Variants in SMC6 observed in about 807,000 individuals in gnomAD.
The protein encoded by SMC6 is structural maintenance of chromosomes protein 6.
SMC6 carries 79 observed loss-of-function variants against 142.2 expected under a neutral mutation model. The observed-to-expected ratio is 0.56, with a 90% CI of 0.46 to 0.67. SMC6 has a LOEUF of 0.67. Ranked by LOEUF, SMC6 falls within the 30% of genes least tolerant of loss-of-function variation. The probability of loss-of-function intolerance (pLI) is 0.00; values close to 1 mark genes in which losing one functional copy is unlikely to be tolerated. For missense variants in SMC6, 1,072 were observed against 1,284.0 expected, an observed-to-expected ratio of 0.83 and a Z score of 2.52; for synonymous variants, 411 against 412.4, an observed-to-expected ratio of 1.00 and a Z score of 0.04.
At chr2:17,747,568 C>A (rs1558384761) in intron 2 of SMC6, among the ~76,000 whole-genome samples, 2 of 147,044 alleles carry the variant, frequency 1.4e-5, no homozygotes, top group African/African-American at 5.1e-5. Flanking sequence ...TGCAGTGGCA[C>A]AATCTCAGCT....
intron 8 of SMC6, 91 bp downstream of exon 8, chr2:17,726,298 C>T: frequency 1.1e-6 from 1 of 907,462 alleles, no homozygotes; most frequent in Non-Finnish European, 1.6e-6. Context: ...AAAAAAAACT[C>T]AGCCTCCATT....
chr2:17,666,764 A>G (rs1032938593), intron 26 of SMC6, among the ~76,000 whole-genome samples: 3 of 151,936 alleles, frequency 2.0e-5, no homozygotes, highest in Admixed American at 6.6e-5. Context: ...CACAGGATCA[A>G]TTGAGGTCAG....
At chr2:17,732,976 A>G (rs1037137130) in intron 5 of SMC6, among the ~76,000 whole-genome samples, 1 of 152,196 alleles carries the variant, frequency 6.6e-6, no homozygotes, top group Admixed American at 6.5e-5. Context: ...TAGAAAAACA[A>G]AGATGCTGAT....
At chr2:17,666,398 C>T in intron 27 of SMC6, 22 bp downstream of exon 27, 1 of 1,558,188 alleles carries the variant, frequency 6.4e-7, no homozygotes, top group Non-Finnish European at 8.8e-7. Context: ...TGATATGTAT[C>T]TAGAAAGTTT....
At chr2:17,707,528 A>C in intron 17 of SMC6, 149 bp from the exon 18 acceptor site, 1 of 480,986 alleles carries the variant, frequency 2.1e-6, no homozygotes, top group Non-Finnish European at 3.3e-6. Flanking sequence ...AGTTAAATAT[A>C]AGAATTTTAA....
Position 17,716,066 on chromosome 2 carries a change from C to T in SMC6, c.1525+20G>A, listed in dbSNP as rs1200128812. ...TTATTTCTAAAGTTTATTATAACCT[C>T]GCTAAATTAAGACAAATACCTAAAG... On this transcript the variant is annotated intron_variant, in intron 15 of 27. Coordinates refer to ENST00000448223, the MANE Select transcript of SMC6 (RefSeq NM_001142286.2). The T allele has an allele frequency of 4.8e-6, 7 of 1,465,860 alleles. No homozygotes were observed. The highest frequency in any genetic ancestry group is 1.5e-5 in the South Asian group (1 of 65,470). 90.8% of individuals were successfully genotyped at this position (1,465,860 alleles called of 1,614,324 possible).
At chr2:17,715,815 T>C (rs4832498) in intron 15 of SMC6, among the ~76,000 whole-genome samples, 1,641 of 152,246 alleles carry the variant, frequency 0.011, 66 homozygotes, top group Admixed American at 0.084. Flanking sequence ...GAATAATCAA[T>C]TATATTACAT....
At chr2:17,751,230 C>T (rs370031123) in intron 2 of SMC6, among the ~76,000 whole-genome samples, 218 of 151,962 alleles carry the variant, frequency 1.4e-3, no homozygotes, top group African/African-American at 5.0e-3. Context: ...CTTGTCATCC[C>T]AGCACTTTGG....
At chr2:17,680,400 C>T (rs923602195) in intron 24 of SMC6, 1 of 152,108 alleles carries the variant, frequency 6.6e-6, no homozygotes, top group Non-Finnish European at 1.5e-5. Flanking sequence ...TTGACTTCCT[C>T]CCATGAATCA....
rs1670726382 is a variant in SMC6, at chr2:17,745,934, T to C, written c.13A>G (p.Lys5Glu). 1 of 1,607,704 alleles carries C rather than the reference T, an allele frequency of 6.2e-7. No individual in the cohort carries two copies. Among genetic ancestry groups the C allele is most frequent in the Non-Finnish European group, 8.5e-7 (1 of 1,176,930 alleles). Residue 5 changes from lysine to glutamate, a missense_variant, in exon 3 of 28, where the codon AAG becomes GAG. Physicochemically the swap from Lys to Glu is moderately conservative, Grantham distance 56. This residue lies in a region of SMC6 where 994 missense variants were observed against 1,153.2 expected (regional missense o/e 0.86). Transcript: ENST00000448223. ...TTAGGAGAGGAAAAATTTTCTTCCT[T>C]TCTTTTGGCCATCAGGTCTGAACAA... MAKRKEENFSSPKNA... is the reference protein window; with the variant it reads MAKREEENFSSPKNA...
chr2:17,671,445 A>T (rs1436802916), intron 25 of SMC6, among the ~76,000 whole-genome samples: 1 of 150,936 alleles, frequency 6.6e-6, no homozygotes, highest in Admixed American at 6.6e-5. Context: ...ACACACACAC[A>T]CAAAAATACA....
rs146959687 is a variant in SMC6, at chr2:17,736,053, C to T, written c.344+2168G>A. 9.3e-4 allele frequency among the ~76,000 whole-genome samples: 141 copies of T among 152,300 alleles called. 2 individuals carry two copies. Among genetic ancestry groups the T allele is most frequent in the East Asian group, 1.3e-3 (7 of 5,190 alleles). ...GTAAGAGCAGAACTAAAAACCTCAA[C>T]AAGCTGATTCTGCAAAAAAGTGATG... On this transcript the variant is annotated intron_variant, in intron 5 of 27. Transcript: ENST00000448223.
At chr2:17,690,749 A>C (rs1454574819) in intron 23 of SMC6, among the ~76,000 whole-genome samples, 1 of 152,174 alleles carries the variant, frequency 6.6e-6, no homozygotes, top group Non-Finnish European at 1.5e-5. Flanking sequence ...AAATGAAAAG[A>C]TGTTCAACTT....
In SMC6 at chr2:17,673,575, AATT is replaced by A. The variant is rs553542599; in HGVS notation, c.2911-3003_2911-3001del. ...ATTTAAAAAAAAATTTTTTTTTTTA[AATT>A]TTTTTTTTGAGACAGAGTTTCGCTC... On this transcript the variant is annotated intron_variant, in intron 25 of 27. Coordinates refer to ENST00000448223, the MANE Select transcript of SMC6 (RefSeq NM_001142286.2). Among the ~76,000 whole-genome samples the A allele has an allele frequency of 4.6e-3, 686 of 150,080 alleles. 7 individuals carry two copies. Among genetic ancestry groups the A allele is most frequent in the African/African-American group, 0.016 (642 of 40,722 alleles).
intron 12 of SMC6, among the ~76,000 whole-genome samples, chr2:17,717,800 G>A (rs1669171378): frequency 6.6e-6 from 1 of 152,102 alleles, no homozygotes; most frequent in Non-Finnish European, 1.5e-5. Context: ...TGGATATTGT[G>A]GTGAAATCCT....
intron 5 of SMC6, among the ~76,000 whole-genome samples, chr2:17,735,853 T>C (rs142490721): frequency 6.6e-6 from 1 of 152,216 alleles, no homozygotes; most frequent in African/African-American, 2.4e-5. Flanking sequence ...AGAGTTGAAA[T>C]ATCCCAAGAA....
At chr2:17,738,827 T>C (rs1445164594) in intron 4 of SMC6, among the ~76,000 whole-genome samples, 3 of 152,166 alleles carry the variant, frequency 2.0e-5, no homozygotes, top group Non-Finnish European at 4.4e-5. Flanking sequence ...TAATTTTTTT[T>C]TGTAGAGACA....
intron 2 of SMC6, among the ~76,000 whole-genome samples, chr2:17,749,478 AG>A (rs965886804): frequency 2.0e-5 from 3 of 152,228 alleles, no homozygotes; most frequent in Admixed American, 1.3e-4. Context: ...TCACGAGGTC[AG>A]GAGTTTGAGA....
rs1213026743 is a variant in SMC6, at chr2:17,750,309, TTAG to T, written c.-6+2666_-6+2668del. Reference sequence around the variant, plus strand: ...AAAACAAGAGATTTAAAAGACTGAATTAGTAGAATTGGTGAGTACAAATGGGTG... The same window carrying T: ...AAAACAAGAGATTTAAAAGACTGAATTAGAATTGGTGAGTACAAATGGGTG... On this transcript the variant is annotated intron_variant, in intron 2 of 27. Coordinates refer to ENST00000448223, the MANE Select transcript of SMC6 (RefSeq NM_001142286.2). 3.3e-5 allele frequency among the ~76,000 whole-genome samples: 5 copies of T among 152,156 alleles called. No individual in the cohort carries two copies. In the South Asian group the frequency reaches 1.0e-3, roughly 32 times the overall value.
Sources: allele counts gnomAD v4.1 joint callset (sites outside exome capture counted in the v4.1 genomes callset), GRCh38; gene constraint gnomAD v4.1.1; regional missense constraint gnomAD v4.1.1; transcripts MANE v1.5; gene names NCBI Gene and HGNC (gene_info 2026-07-23, HGNC 2026-07-21).